The following CD226 variants were observed in gnomAD, a reference collection of about 807,000 sequenced individuals.
CD226 encodes CD226 molecule.
A neutral mutation model predicts 34.9 loss-of-function variants in CD226; 24 were observed. The ratio of observed to expected loss-of-function variants is 0.69; its 90% confidence interval spans 0.50 to 0.97. The LOEUF is 0.97. Ranked by LOEUF, CD226 falls within the 50% of genes least tolerant of loss-of-function variation. CD226 has a pLI of 0.00. For synonymous variants in CD226, 148 were observed against 147.4 expected (o/e 1.00, Z -0.03); for missense variants, 397 against 412.7 (o/e 0.96, Z 0.33).
chr18:69,889,681 T>C (rs1378963040), intron 3 of CD226, among the ~76,000 whole-genome samples: 1 of 152,170 alleles, frequency 6.6e-6, no homozygotes, highest in Non-Finnish European at 1.5e-5. Flanking sequence ...CCACAAGCCA[T>C]CTACAGGCAA....
intron 2 of CD226, among the ~76,000 whole-genome samples, chr18:69,916,700 G>A (rs1321395836): frequency 6.6e-6 from 1 of 152,036 alleles, no homozygotes; most frequent in Non-Finnish European, 1.5e-5. Context: ...AACCTACTAG[G>A]GGCATGAACT....
chr18:69,886,482 G>T (rs1619767), intron 3 of CD226, among the ~76,000 whole-genome samples: 29,025 of 152,122 alleles, frequency 0.19, 3,433 homozygotes, highest in African/African-American at 0.34. Context: ...GAGGTGGGTG[G>T]ATCACCTGAG....
At chr18:69,883,569 C>T (rs1984388765) in intron 3 of CD226, among the ~76,000 whole-genome samples, 1 of 152,154 alleles carries the variant, frequency 6.6e-6, no homozygotes, top group Non-Finnish European at 1.5e-5. Flanking sequence ...AAGAAACATG[C>T]TATCCAGCTT....
At chr18:69,880,240 A>G (rs1984138850) in intron 3 of CD226, among the ~76,000 whole-genome samples, 1 of 150,100 alleles carries the variant, frequency 6.7e-6, no homozygotes, top group South Asian at 2.2e-4. Context: ...AAGAAAGAGA[A>G]AGGAAGTAAG....
At chr18:69,959,833 G>A (rs991136639), upstream of CD226, among the ~76,000 whole-genome samples, 16 of 152,144 alleles carry the variant, frequency 1.1e-4, no homozygotes, top group Admixed American at 4.6e-4. Context: ...AGCCAGGCAT[G>A]AGAGGGACTC....
chr18:69,911,852 A>ATG (rs1039745208), intron 2 of CD226, among the ~76,000 whole-genome samples: 37 of 152,220 alleles, frequency 2.4e-4, no homozygotes, highest in African/African-American at 8.7e-4. Flanking sequence ...GTGTGTGCAT[A>ATG]TGTGTGTGTG....
rs544541471 is a variant in CD226, at chr18:69,900,995, TACC to T, written c.383-4953_383-4951del. On this transcript the variant is annotated intron_variant, in intron 2 of 5. Transcript: ENST00000582621. ...ACAAATGCCATTTATGTTTCCACAG[TACC>T]ACCTTGGAAGTCATAGCCTTGTCAA... Among the ~76,000 whole-genome samples, 981 of 152,282 alleles carry T rather than the reference TACC, an allele frequency of 6.4e-3. 9 individuals carry two copies. Among genetic ancestry groups the T allele is most frequent in the Non-Finnish European group, 0.011 (725 of 68,024 alleles).
chr18:69,887,265 A>C (rs1462524968), intron 3 of CD226, among the ~76,000 whole-genome samples: 1 of 152,120 alleles, frequency 6.6e-6, no homozygotes, highest in Non-Finnish European at 1.5e-5. Context: ...TTGAAAAATA[A>C]ACTTGTTACT....
At chr18:69,926,445 G>C (rs2055522736) in intron 2 of CD226, among the ~76,000 whole-genome samples, 1 of 151,954 alleles carries the variant, frequency 6.6e-6, no homozygotes, top group Admixed American at 6.6e-5. Context: ...TCCCCTTTAT[G>C]GCATTATCCC....
At chr18:69,912,544 A>G (rs1430380093) in intron 2 of CD226, among the ~76,000 whole-genome samples, 1 of 152,176 alleles carries the variant, frequency 6.6e-6, no homozygotes, top group African/African-American at 2.4e-5. Flanking sequence ...AATTCTTTAA[A>G]TTTTTGGACA....
At chr18:69,904,913 A>G (rs1315281764) in intron 2 of CD226, among the ~76,000 whole-genome samples, 2 of 152,228 alleles carry the variant, frequency 1.3e-5, no homozygotes, top group Non-Finnish European at 1.5e-5. Flanking sequence ...ATTCTGTACT[A>G]GAGAATAGAT....
chr18:69,896,205 G>C, intron 2 of CD226, 160 bp from the exon 3 acceptor site: 1 of 910,854 alleles, frequency 1.1e-6, no homozygotes, highest in Non-Finnish European at 1.3e-6. Flanking sequence ...TTCCTGAGAC[G>C]GAGTCTTGCT....
upstream of CD226, among the ~76,000 whole-genome samples, chr18:69,952,327 T>C (rs59097916): frequency 9.5e-3 from 1,442 of 152,330 alleles, 29 homozygotes; most frequent in African/African-American, 0.032. Context: ...GTGTACAACA[T>C]ATATTATTCA....
intron 3 of CD226, among the ~76,000 whole-genome samples, chr18:69,879,555 A>AG (rs1984088252): frequency 6.6e-6 from 1 of 151,332 alleles, no homozygotes. Flanking sequence ...GTTCTCTGAA[A>AG]ATCACAGTTA....
upstream of CD226, among the ~76,000 whole-genome samples, chr18:69,960,971 A>C (rs961981282): frequency 3.9e-5 from 6 of 152,240 alleles, no homozygotes; most frequent in African/African-American, 7.2e-5. Context: ...TGGATTTTAA[A>C]AAGGAATAGG....
At chr18:69,883,331 T>C (rs1427751406) in intron 3 of CD226, among the ~76,000 whole-genome samples, 2 of 152,182 alleles carry the variant, frequency 1.3e-5, no homozygotes, top group Non-Finnish European at 2.9e-5. Context: ...CTATGGAATA[T>C]TGAGGAAAAC....
intron 2 of CD226, among the ~76,000 whole-genome samples, chr18:69,906,429 G>A (rs1324768080): frequency 6.6e-6 from 1 of 152,146 alleles, no homozygotes; most frequent in Non-Finnish European, 1.5e-5. Context: ...ATTTCTGCAG[G>A]CAAAAGACAT....
At position 69,870,269 on chromosome 18, in the gene CD226, C is replaced by CT. The variant is rs1290458343; in HGVS notation, c.831-2859_831-2858insA. On this transcript the variant is annotated intron_variant, in intron 4 of 5. Transcript: ENST00000582621. The stretch of plus-strand genomic sequence containing the variant: ...ACATCTATAGAACACAGTTTGGCTC[C>CT]CCCTTTTTTTTTTTTTTTTTTTTGA... Among the ~76,000 whole-genome samples, 167 of 143,156 alleles carry CT rather than the reference C, an allele frequency of 1.2e-3. 1 individual carries two copies. The highest frequency in any genetic ancestry group is 4.1e-3 in the African/African-American group (162 of 39,688). 93.9% of individuals were successfully genotyped at this position (143,156 alleles called of 152,430 possible).
At chr18:69,902,269 G>A (rs1015782232) in intron 2 of CD226, among the ~76,000 whole-genome samples, 13 of 151,962 alleles carry the variant, frequency 8.6e-5, no homozygotes, top group Non-Finnish European at 1.6e-4. Context: ...ACCTTTTGGC[G>A]CCATCCAGTC....
Sources: gnomAD v4.1 joint callset for allele counts (sites outside exome capture counted in the v4.1 genomes callset) on GRCh38, gnomAD v4.1.1 for gene constraint, MANE v1.5 for transcripts, NCBI Gene and HGNC (gene_info 2026-07-23, HGNC 2026-07-21) for gene names.